The following NIPA1 variants were observed in gnomAD, a reference collection of about 807,000 sequenced individuals.
NIPA1 encodes the protein NIPA magnesium transporter 1, also known as magnesium transporter NIPA1.
NIPA1 carries 13 observed loss-of-function variants against 23.9 expected under a neutral mutation model. The ratio of observed to expected loss-of-function variants is 0.54; its 90% CI spans 0.35 to 0.87. NIPA1 has a LOEUF of 0.87. Among genes scored for constraint, NIPA1 ranks in the 40% least tolerant of loss-of-function variants. The probability of loss-of-function intolerance (pLI) is 0.01; values close to 1 mark genes in which losing one functional copy is unlikely to be tolerated. For missense variants in NIPA1, 362 were observed against 429.7 expected (o/e 0.84, Z 1.39); for synonymous variants, 234 against 202.9 (o/e 1.15, Z -1.30).
chr15:22,791,554 G>A (rs965732216), intron 1 of NIPA1, among the ~76,000 whole-genome samples: 1 of 133,318 alleles, frequency 7.5e-6, no homozygotes, highest in Non-Finnish European at 1.5e-5. Flanking sequence ...TGCCATCTCG[G>A]CTCACTGTAA....
Position 22,824,123 on chromosome 15 carries a change from T to C in NIPA1, c.874T>C (p.Leu292=), listed in dbSNP as rs1895602484. The C allele has an allele frequency of 2.5e-6, 4 of 1,614,104 alleles. No individual in the cohort carries two copies. In the South Asian group the frequency reaches 4.4e-5, roughly 18 times the overall value. ...GAGCAACGTGGGCCTGGTGGACTTC[T>C]TGGGGATGGCCTGTGGATTCACGAC... ...EWSNVGLVDF[L]GMACGFTTVS... is the part of the protein sequence containing the mutation. The change falls in exon 5 of 5, where the codon TTG becomes CTG. Residue 292 remains leucine, a synonymous_variant. Coordinates refer to ENST00000337435, the MANE Select transcript of NIPA1 (RefSeq NM_144599.5). This position sits in a 1 kb window ranked among gnomAD's most constrained non-coding sequence, Gnocchi z 4.1.
intron 1 of NIPA1, among the ~76,000 whole-genome samples, chr15:22,787,139 C>T (rs1894725484): frequency 6.6e-6 from 1 of 152,020 alleles, no homozygotes; most frequent in South Asian, 2.1e-4. Flanking sequence ...GTGCGGGCTT[C>T]CCCGGCTGAC....
At chr15:22,814,780 A>G (rs1457561077) in intron 3 of NIPA1, among the ~76,000 whole-genome samples, 1 of 152,222 alleles carries the variant, frequency 6.6e-6, no homozygotes, top group Non-Finnish European at 1.5e-5. Context: ...AGGATTAAGT[A>G]TAACCAAAGC....
intron 3 of NIPA1, chr15:22,814,196 T>C (rs934031168): frequency 1.2e-6 from 1 of 864,692 alleles, no homozygotes; most frequent in Non-Finnish European, 1.6e-6. Context: ...AAAATTAATT[T>C]GGAAAAAAAC....
intron 4 of NIPA1, among the ~76,000 whole-genome samples, chr15:22,821,929 A>G (rs1050068665): frequency 6.6e-6 from 1 of 152,222 alleles, no homozygotes; most frequent in African/African-American, 2.4e-5. Flanking sequence ...TACCAGGACA[A>G]TACTTTAAAA....
At chr15:22,805,892 A>G (rs1295034429) in intron 1 of NIPA1, among the ~76,000 whole-genome samples, 1 of 152,016 alleles carries the variant, frequency 6.6e-6, no homozygotes, top group Non-Finnish European at 1.5e-5. Flanking sequence ...TTTTTATACT[A>G]TAAAGCTGTA....
At chr15:22,797,811 TTTCTAGTCACA>T (rs1318692874) in intron 1 of NIPA1, among the ~76,000 whole-genome samples, 1 of 13,826 alleles carries the variant, frequency 7.2e-5, no homozygotes, top group Non-Finnish European at 1.0e-4. Flanking sequence ...TGGCCATATA[TTTCTAGTCACA>T]TTCAGTAATT....
intron 1 of NIPA1, among the ~76,000 whole-genome samples, chr15:22,802,840 G>A (rs898803626): frequency 2.0e-5 from 3 of 152,128 alleles, no homozygotes; most frequent in Admixed American, 2.0e-4. Context: ...GCTGGACATA[G>A]TTTGAAGATT....
At chr15:22,818,939 G>T (rs1250682153) in intron 3 of NIPA1, among the ~76,000 whole-genome samples, 1 of 152,112 alleles carries the variant, frequency 6.6e-6, no homozygotes, top group African/African-American at 2.4e-5. Context: ...TCCACCCGTT[G>T]TCCGAGGCCA....
At chr15:22,798,302 C>T (rs1440556513) in intron 1 of NIPA1, among the ~76,000 whole-genome samples, 7 of 145,992 alleles carry the variant, frequency 4.8e-5, no homozygotes, top group African/African-American at 7.6e-5. Flanking sequence ...TGCAGTGGCG[C>T]GATCTCAGCT....
intron 1 of NIPA1, among the ~76,000 whole-genome samples, chr15:22,803,569 C>T (rs553520449): frequency 1.7e-5 from 2 of 120,504 alleles, no homozygotes; most frequent in East Asian, 2.8e-4. Context: ...AGTGCAGTGG[C>T]GTGATCTTGG....
chr15:22,789,436 G>C (rs1216234617), intron 1 of NIPA1, among the ~76,000 whole-genome samples: 1 of 152,136 alleles, frequency 6.6e-6, no homozygotes, highest in Non-Finnish European at 1.5e-5. Flanking sequence ...GTTCTTCCCG[G>C]TCTGGACCCA....
intron 3 of NIPA1, chr15:22,813,712 A>G (rs1402426111): frequency 2.2e-6 from 1 of 454,260 alleles, no homozygotes; most frequent in South Asian, 1.6e-5. Flanking sequence ...CGTAGGCATT[A>G]AGGTTCTGTG....
rs1318563634 is a variant in NIPA1 at position 22,826,489 on chromosome 15, T to C, written c.*2250T>C. Reference sequence around the variant, plus strand: ...TTTCCTAGGTAAGGGGTGTGAGATATTCAAAGAATACATGTGGCTAACAAG... The same window carrying C: ...TTTCCTAGGTAAGGGGTGTGAGATACTCAAAGAATACATGTGGCTAACAAG... On this transcript the variant is annotated 3_prime_UTR_variant, in exon 5 of 5. Transcript: ENST00000337435. 1 of 152,154 alleles carries C rather than the reference T, an allele frequency of 6.6e-6. No homozygotes were observed. 9.4% of individuals were successfully genotyped at this position (152,154 alleles called of 1,614,324 possible). A position where few individuals can be genotyped will look rare whatever the true frequency, so the allele number is the denominator to read the frequency against.
rs1895598861 is a variant in NIPA1 at position 22,824,003 on chromosome 15, CT to C, written c.755del (p.Leu252ArgfsTer70). Reference sequence around the variant, plus strand: ...CCAGTTCAGGTACATCAACAAGGCGCTGGAGTGCTTCGACTCCTCGGTGTTC... The same window carrying C: ...CCAGTTCAGGTACATCAACAAGGCGCGGAGTGCTTCGACTCCTCGGTGTTC... ...IVQFRYINKALECFDSSVFGA... is the reference protein window; with the variant it reads ...IVQFRYINKAXECFDSSVFGA... On this transcript the variant is annotated frameshift_variant, in exon 5 of 5. Transcript: ENST00000337435. LOFTEE classifies it high-confidence loss of function. The surrounding 1 kb of genome is among the most constrained non-coding windows in gnomAD (Gnocchi z 4.1). 1 of 1,614,060 alleles carries C rather than the reference CT, an allele frequency of 6.2e-7. No individual in the cohort carries two copies. Among genetic ancestry groups the C allele is most frequent in the African/African-American group, 1.3e-5 (1 of 74,944 alleles).
At position 22,825,012 on chromosome 15, in the gene NIPA1, G is replaced by T. The variant is rs1595648811; in HGVS notation, c.*773G>T. ...ATATTTCAATATTCAAGTTACAAAT[G>T]TATAAGGCAGTTAGAAATAATACAG... On this transcript the variant is annotated 3_prime_UTR_variant, in exon 5 of 5. Coordinates refer to ENST00000337435, the MANE Select transcript of NIPA1 (RefSeq NM_144599.5). 1 of 152,566 alleles carries T rather than the reference G, an allele frequency of 6.6e-6. No homozygotes were observed. The highest frequency in any genetic ancestry group is 6.5e-5 in the Admixed American group (1 of 15,282). 9.5% of individuals were successfully genotyped at this position (152,566 alleles called of 1,614,324 possible).
chr15:22,787,515 G>A (rs1396098621), intron 1 of NIPA1, among the ~76,000 whole-genome samples: 1 of 152,154 alleles, frequency 6.6e-6, no homozygotes, highest in East Asian at 1.9e-4. Context: ...AGCCCTGGAC[G>A]GGCCAAGGCC....
intron 1 of NIPA1, among the ~76,000 whole-genome samples, chr15:22,804,370 C>T (rs1398516953): frequency 6.6e-6 from 1 of 152,114 alleles, no homozygotes; most frequent in Non-Finnish European, 1.5e-5. Context: ...ATCCACCCGC[C>T]CCGGCCTCCT....
At chr15:22,796,767 A>C (rs1341667873) in intron 1 of NIPA1, among the ~76,000 whole-genome samples, 1 of 152,182 alleles carries the variant, frequency 6.6e-6, no homozygotes, top group African/African-American at 2.4e-5. Flanking sequence ...AGATGCTGCC[A>C]GGGCTGGTCT....
Sources: allele counts gnomAD v4.1 joint callset (sites outside exome capture counted in the v4.1 genomes callset), GRCh38; gene constraint gnomAD v4.1.1; non-coding constraint Gnocchi (gnomAD v3.1); transcripts MANE v1.5; gene names NCBI Gene and HGNC (gene_info 2026-07-23, HGNC 2026-07-21).